PHF2: variants seen among roughly 807,000 people sequenced by gnomAD.
The protein encoded by PHF2 is PHD finger protein 2, also known as lysine-specific demethylase PHF2.
PHF2 carries 27 observed loss-of-function variants against 120.5 expected under a neutral mutation model. The observed-to-expected ratio is 0.22, with a 90% confidence interval of 0.17 to 0.31. The LOEUF is 0.31. Among genes scored for constraint, PHF2 ranks in the 10% least tolerant of loss-of-function variants. PHF2 has a pLI of 1.00. For synonymous variants in PHF2, 568 were observed against 592.5 expected (o/e 0.96, Z 0.60); for missense variants, 1,024 against 1,434.8 (o/e 0.71, Z 4.63).
chr9:93,607,183 TA>T (rs770159816), intron 1 of PHF2, among the ~76,000 whole-genome samples: 5 of 152,330 alleles, frequency 3.3e-5, no homozygotes, highest in Non-Finnish European at 7.3e-5. Flanking sequence ...TGTTGGCTAT[TA>T]TGGGTCCTTT....
At position 93,631,405 on chromosome 9, in the gene PHF2, G is replaced by T. The variant is rs367581474; in HGVS notation, c.184+1350G>T. 1.1e-4 allele frequency among the ~76,000 whole-genome samples: 16 copies of T among 152,330 alleles called. No individual in the cohort carries two copies. The East Asian group carries it at 1.5e-3, about 15-fold the overall frequency. The stretch of plus-strand genomic sequence containing the variant: ...CTAGCAGCTCTTCCTGAACTTTCAG[G>T]CTGATAGTTTGCCTGTGGGGAGGTT... On this transcript the variant is annotated intron_variant, in intron 2 of 21. Transcript: ENST00000359246.
intron 16 of PHF2, 37 bp downstream of exon 16, chr9:93,666,097 G>A (rs762271229): frequency 3.1e-6 from 5 of 1,594,524 alleles, no homozygotes; most frequent in Middle Eastern, 1.7e-4. Flanking sequence ...GTCTCGGGGG[G>A]CATCTCTGGG....
chr9:93,649,166 C>T lies in PHF2; in HGVS notation c.556C>T (p.Arg186Cys). ...TGTGGACTATTACTACAGCACCAAC[C>T]GCAAGCGGGTCCTCAACGTCACCAA... ...EFVDYYYSTN[R>C]KRVLNVTNLE... The change falls in exon 5 of 22, where the codon CGC becomes TGC. Residue 186 changes from arginine (R) to cysteine (C), a missense_variant. Arg to Cys is a radical substitution (Grantham distance 180, BLOSUM62 -3). This residue lies in a region of PHF2 where 347 missense variants were observed against 577.4 expected (regional missense o/e 0.60). Coordinates refer to ENST00000359246, the MANE Select transcript of PHF2 (RefSeq NM_005392.4). 5 of 1,551,166 alleles carry T rather than the reference C, an allele frequency of 3.2e-6. No individual in the cohort carries two copies. Among genetic ancestry groups the T allele is most frequent in the Non-Finnish European group, 4.4e-6 (5 of 1,146,880 alleles).
rs537536127 is a variant in PHF2 at position 93,600,130 on chromosome 9, TG to T, written c.98+23260del. Among the ~76,000 whole-genome samples, 12 of 152,016 alleles carry T rather than the reference TG, an allele frequency of 7.9e-5. 1 individual carries two copies. On this transcript the variant is annotated intron_variant, in intron 1 of 21. Coordinates refer to ENST00000359246, the MANE Select transcript of PHF2 (RefSeq NM_005392.4). ...ATGTGTGTAGTATGTGTGTGGTATG[TG>T]TGTAATGTGTGTGAATGTGTGTGGT...
At chr9:93,613,995 C>T (rs539950491) in intron 1 of PHF2, among the ~76,000 whole-genome samples, 6 of 152,300 alleles carry the variant, frequency 3.9e-5, no homozygotes, top group Non-Finnish European at 8.8e-5. Flanking sequence ...GTTTAATCCT[C>T]TCAAGTGCCT....
At chr9:93,576,970 G>A in intron 1 of PHF2, 99 bp downstream of exon 1, 2 of 386,636 alleles carry the variant, frequency 5.2e-6, no homozygotes, top group Non-Finnish European at 7.0e-6. Context: ...GGCCCGGCTC[G>A]GGGACGGGCC....
intron 1 of PHF2, among the ~76,000 whole-genome samples, chr9:93,598,553 C>G (rs1825375317): frequency 6.6e-6 from 1 of 152,128 alleles, no homozygotes; most frequent in South Asian, 2.1e-4. Flanking sequence ...CCACCCTTGT[C>G]CCATCACCTG....
chr9:93,597,344 C>G (rs956718727), intron 1 of PHF2, among the ~76,000 whole-genome samples: 7 of 152,182 alleles, frequency 4.6e-5, no homozygotes, highest in Non-Finnish European at 1.0e-4. Flanking sequence ...TCCTGGGACT[C>G]CACACCCTTT....
intron 1 of PHF2, among the ~76,000 whole-genome samples, chr9:93,618,871 C>CTGTATGTATGTTGTATATT: frequency 4.6e-4 from 1 of 2,160 alleles, no homozygotes; most frequent in South Asian, 0.01. Context: ...GTTCGTGTGT[C>CTGTATGTATGTTGTATATT]TCTGTGTTTG....
intron 1 of PHF2, among the ~76,000 whole-genome samples, chr9:93,600,425 A>T (rs1825419096): frequency 6.6e-6 from 1 of 152,208 alleles, no homozygotes; most frequent in South Asian, 2.1e-4. Context: ...GGGGACCCAC[A>T]TTACCTTAGC....
chr9:93,649,612 C>A (rs1005069179), intron 5 of PHF2, among the ~76,000 whole-genome samples: 1 of 151,962 alleles, frequency 6.6e-6, no homozygotes, highest in African/African-American at 2.4e-5. Flanking sequence ...ATGACACACC[C>A]ACTTCCGGAC....
intron 18 of PHF2, 114 bp downstream of exon 18, chr9:93,673,976 C>G: frequency 8.4e-7 from 1 of 1,195,954 alleles, no homozygotes; most frequent in Non-Finnish European, 1.1e-6. Context: ...GGCCTCAGCT[C>G]AGCAAAACCC....
chr9:93,633,729 C>T (rs953086565), intron 2 of PHF2, among the ~76,000 whole-genome samples: 2 of 152,142 alleles, frequency 1.3e-5, no homozygotes, highest in Admixed American at 1.3e-4. Flanking sequence ...CAGGTGTAGC[C>T]GGGGGCCCCT....
In PHF2 at chr9:93,636,412, AAAG is replaced by A. The variant is rs1306477041; in HGVS notation, c.193_195del (p.Lys65del). On this transcript the variant is annotated inframe_deletion and splice_region_variant, in exon 3 of 22. Transcript: ENST00000359246. ...CCTTGCTTCCGGTCTCCTCCACAGT[AAAG>A]AAGAAGCGGACCTGGCACAAACACG... 1.9e-6 allele frequency: 3 copies of A among 1,603,750 alleles called. No individual in the cohort carries two copies. Among genetic ancestry groups the A allele is most frequent in the East Asian group, 2.2e-5 (1 of 44,510 alleles).
chr9:93,583,539 A>C (rs975159059), intron 1 of PHF2, among the ~76,000 whole-genome samples: 3 of 151,300 alleles, frequency 2.0e-5, no homozygotes, highest in Non-Finnish European at 4.4e-5. Flanking sequence ...GCAACGTTCC[A>C]ATTTCTCCAC....
chr9:93,647,007 C>T (rs1826272204), intron 4 of PHF2, among the ~76,000 whole-genome samples: 1 of 152,230 alleles, frequency 6.6e-6, no homozygotes, highest in South Asian at 2.1e-4. Flanking sequence ...GATCCAGCCC[C>T]TGGTCTCGCC....
intron 1 of PHF2, among the ~76,000 whole-genome samples, chr9:93,593,084 C>CAAAAAAAAAAAAA (rs200919035): frequency 1.2e-5 from 1 of 83,376 alleles, no homozygotes; most frequent in Admixed American, 1.2e-4. Flanking sequence ...TCCTTTATGC[C>CAAAAAAAAAAAAA]AAAAAAAAAA....
intron 15 of PHF2, 44 bp from the exon 16 acceptor site, chr9:93,665,946 C>T (rs1564400914): frequency 1.2e-6 from 2 of 1,611,926 alleles, no homozygotes; most frequent in Non-Finnish European, 1.7e-6. Context: ...GTGGCTGGCT[C>T]CCCGCAAGGC....
At chr9:93,609,346 A>G (rs1825596315) in intron 1 of PHF2, among the ~76,000 whole-genome samples, 1 of 152,038 alleles carries the variant, frequency 6.6e-6, no homozygotes, top group East Asian at 1.9e-4. Context: ...TTTTATCCTC[A>G]CTTGTTACTT....
Sources: gnomAD v4.1 joint callset for allele counts (sites outside exome capture counted in the v4.1 genomes callset) on GRCh38, gnomAD v4.1.1 for gene constraint, gnomAD v4.1.1 regional missense constraint, MANE v1.5 for transcripts, NCBI Gene and HGNC (gene_info 2026-07-23, HGNC 2026-07-21) for gene names.